Variants in MEGF10 observed in about 807,000 individuals in gnomAD.
The protein encoded by MEGF10 is multiple EGF like domains 10.
A neutral mutation model predicts 147.5 loss-of-function variants in MEGF10; 86 were observed. The observed-to-expected ratio is 0.58, with a 90% confidence interval of 0.49 to 0.70. The LOEUF is 0.70. Ranked by LOEUF, MEGF10 falls within the 30% of genes least tolerant of loss-of-function variation. MEGF10 has a pLI of 0.00. For synonymous variants in MEGF10, 478 were observed against 525.5 expected, an observed-to-expected ratio of 0.91 and a Z score of 1.24; for missense variants, 1,329 against 1,487.3, an observed-to-expected ratio of 0.89 and a Z score of 1.75.
rs1486395346 is a variant in MEGF10, at chr5:127,396,666, G to A, written c.547G>A (p.Glu183Lys). The change falls in exon 6 of 25, where the codon GAG becomes AAG. Residue 183 changes from glutamate to lysine, a missense_variant. Around this residue, in one of 3 missense-constraint regions of MEGF10, gnomAD observed 980 missense variants for 1,085.9 expected, o/e 0.90. Transcript: ENST00000503335. ...FRGWRCEDRC[E>K]QGTYGNDCHQ... Reference sequence around the variant, plus strand: ...GGGCTGGCGCTGCGAGGACCGCTGTGAGCAGGGCACCTATGGTAACGACTG... The same window carrying A: ...GGGCTGGCGCTGCGAGGACCGCTGTAAGCAGGGCACCTATGGTAACGACTG... The A allele has an allele frequency of 1.9e-6, 3 of 1,614,032 alleles. No homozygotes were observed. The highest frequency in any genetic ancestry group is 2.7e-5 in the African/African-American group (2 of 74,938).
chr5:127,333,664 T>C (rs912159964), intron 2 of MEGF10, among the ~76,000 whole-genome samples: 3 of 152,202 alleles, frequency 2.0e-5, no homozygotes, highest in African/African-American at 7.2e-5. Context: ...ATTGTCTGGC[T>C]CACCACTGAT....
intron 1 of MEGF10, among the ~76,000 whole-genome samples, chr5:127,330,473 C>T (rs1041215242): frequency 6.6e-6 from 1 of 152,178 alleles, no homozygotes; most frequent in Admixed American, 6.6e-5. Flanking sequence ...GTGGATCCCT[C>T]TGCCTGGAAC....
At chr5:127,317,845 A>G (rs1760627257) in intron 1 of MEGF10, among the ~76,000 whole-genome samples, 1 of 152,192 alleles carries the variant, frequency 6.6e-6, no homozygotes, top group Non-Finnish European at 1.5e-5. Context: ...GTACATGTAT[A>G]CATATGTAAC....
chr5:127,394,816 G>A (rs1360260357), intron 5 of MEGF10, among the ~76,000 whole-genome samples: 1 of 152,100 alleles, frequency 6.6e-6, no homozygotes. Context: ...TCTGCTTTAG[G>A]TTCAATAATT....
chr5:127,303,772 A>T (rs114316864), intron 1 of MEGF10, among the ~76,000 whole-genome samples: 308 of 152,326 alleles, frequency 2.0e-3, no homozygotes, highest in African/African-American at 7.1e-3. Flanking sequence ...CTAGAATCAG[A>T]TTTCTTGGCT....
intron 1 of MEGF10, among the ~76,000 whole-genome samples, chr5:127,311,149 C>T (rs535295626): frequency 6.6e-6 from 1 of 152,228 alleles, no homozygotes; most frequent in African/African-American, 2.4e-5. Flanking sequence ...AATCCTTTTC[C>T]TCCCTGCCAG....
At chr5:127,417,942 A>C (rs1764839620) in intron 10 of MEGF10, 130 bp downstream of exon 10, 1 of 970,408 alleles carries the variant, frequency 1.0e-6, no homozygotes, top group Non-Finnish European at 1.5e-6. Flanking sequence ...AAAGAGAGAG[A>C]GAAAATGAGG....
At chr5:127,341,919 C>T (rs1339572915) in intron 4 of MEGF10, among the ~76,000 whole-genome samples, 1 of 152,054 alleles carries the variant, frequency 6.6e-6, no homozygotes, top group Non-Finnish European at 1.5e-5. Context: ...TTGTTCATAT[C>T]CTTCATTAAG....
intron 3 of MEGF10, 112 bp downstream of exon 3, chr5:127,339,333 A>G: frequency 1.4e-6 from 1 of 698,118 alleles, no homozygotes; most frequent in East Asian, 2.9e-5. Flanking sequence ...ATAGGTATTG[A>G]GGGCTTGCTC....
intron 1 of MEGF10, among the ~76,000 whole-genome samples, chr5:127,309,987 T>TTCTTTCTTTCTTTCTTTCTA: frequency 1.3e-5 from 1 of 78,010 alleles, no homozygotes; most frequent in South Asian, 3.6e-4. Flanking sequence ...CTTTCTTTCT[T>TTCTTTCTTTCTTTCTTTCTA]TCTTTCTTTC....
chr5:127,447,605 C>A lies in MEGF10; in HGVS notation c.2777C>A (p.Thr926Asn). ...GGAAACGCTAATAGCCACTACTTCA[C>A]CAATCCCAGTTACCACACGCTCACC... ...NGGNANSHYF[T>N]NPSYHTLTQC... Residue 926 changes from threonine to asparagine, a missense_variant, in exon 21 of 25, where the codon ACC becomes AAC. Around this residue, in one of 3 missense-constraint regions of MEGF10, gnomAD observed 343 missense variants for 377.9 expected, o/e 0.91. Transcript: ENST00000503335. 6.2e-7 allele frequency: 1 copy of A among 1,614,168 alleles called. No individual in the cohort carries two copies. Among genetic ancestry groups the A allele is most frequent in the Non-Finnish European group, 8.5e-7 (1 of 1,180,010 alleles).
At chr5:127,358,047 G>T (rs1376345841) in intron 4 of MEGF10, among the ~76,000 whole-genome samples, 3 of 152,206 alleles carry the variant, frequency 2.0e-5, no homozygotes, top group Non-Finnish European at 4.4e-5. Flanking sequence ...TCTGCTGCCA[G>T]CTTTCTCTTG....
the MEGF10 span, among the ~76,000 whole-genome samples, chr5:127,238,298 T>C: frequency 6.6e-6 from 1 of 152,054 alleles, no homozygotes; most frequent in Non-Finnish European, 1.5e-5. Flanking sequence ...TCAAGTGGTC[T>C]ACCCACCTCA....
At chr5:127,314,528 A>G (rs906155634) in intron 1 of MEGF10, among the ~76,000 whole-genome samples, 2 of 152,202 alleles carry the variant, frequency 1.3e-5, no homozygotes, top group Non-Finnish European at 2.9e-5. Flanking sequence ...AAAAGACTAG[A>G]GAATTTTTAC....
intron 5 of MEGF10, among the ~76,000 whole-genome samples, chr5:127,395,536 CTTTTTTT>C (rs35926205): frequency 1.5e-5 from 1 of 65,574 alleles, no homozygotes; most frequent in Non-Finnish European, 2.7e-5. Flanking sequence ...TGACTGATAT[CTTTTTTT>C]TTTTTTTTTT....
At chr5:127,380,067 G>GTTTTTTTTTTTTT (rs5871252) in intron 5 of MEGF10, among the ~76,000 whole-genome samples, 2 of 147,498 alleles carry the variant, frequency 1.4e-5, no homozygotes, top group Non-Finnish European at 1.5e-5. Context: ...TTGTTAACTT[G>GTTTTTTTTTTTTT]TTTTTTTTTT....
chr5:127,412,919 C>T (rs985602917), intron 9 of MEGF10, among the ~76,000 whole-genome samples: 2 of 152,160 alleles, frequency 1.3e-5, no homozygotes, highest in African/African-American at 4.8e-5. Flanking sequence ...CACACATCTC[C>T]AGTATCTAGC....
chr5:127,440,536 T>G (rs565777436), intron 17 of MEGF10, among the ~76,000 whole-genome samples: 34 of 152,344 alleles, frequency 2.2e-4, no homozygotes, highest in African/African-American at 7.9e-4. Flanking sequence ...TGCCTCCTGC[T>G]TATGAATTAC....
intron 4 of MEGF10, among the ~76,000 whole-genome samples, chr5:127,346,150 A>G (rs1171375851): frequency 6.6e-6 from 1 of 152,082 alleles, no homozygotes; most frequent in Non-Finnish European, 1.5e-5. Context: ...GCAATTGCGA[A>G]TTGTGTTGCT....
Sources: allele counts gnomAD v4.1 joint callset (sites outside exome capture counted in the v4.1 genomes callset), GRCh38; gene constraint gnomAD v4.1.1; regional missense constraint gnomAD v4.1.1; transcripts MANE v1.5; gene names NCBI Gene and HGNC (gene_info 2026-07-23, HGNC 2026-07-21).